Variants in STRADA observed in about 807,000 individuals in gnomAD.
The protein encoded by STRADA is STE20 related adaptor alpha, also known as STE20-related kinase adapter protein alpha.
Under a neutral mutation model 55.0 loss-of-function variants are expected in STRADA, and 26 were observed. That is an observed-to-expected ratio of 0.47 (90% confidence interval 0.35 to 0.66). STRADA has a LOEUF of 0.66. STRADA is among the 30% of genes least tolerant of loss of function. The pLI, the probability that STRADA is intolerant of heterozygous loss-of-function variation, is 0.01. For missense variants in STRADA, 443 were observed against 549.7 expected, an observed-to-expected ratio of 0.81 and a Z score of 1.94; for synonymous variants, 197 against 210.9, an observed-to-expected ratio of 0.93 and a Z score of 0.57.
chr17:63,707,767 G>A (rs2036205891), intron 8 of STRADA, among the ~76,000 whole-genome samples: 1 of 149,414 alleles, frequency 6.7e-6, no homozygotes, highest in Non-Finnish European at 1.5e-5. Context: ...GTCTTGCTCT[G>A]TCGCACAGAC....
At chr17:63,711,245 G>T (rs1037651955) in intron 6 of STRADA, among the ~76,000 whole-genome samples, 1 of 152,214 alleles carries the variant, frequency 6.6e-6, no homozygotes, top group Admixed American at 6.5e-5. Context: ...GTGTTGCCCA[G>T]GCTGGTCTCA....
intron 1 of STRADA, among the ~76,000 whole-genome samples, chr17:63,737,171 C>A (rs912854078): frequency 1.4e-5 from 2 of 139,034 alleles, no homozygotes; most frequent in East Asian, 4.2e-4. Context: ...ATCGCTTGAA[C>A]CTGGGAGGCG....
chr17:63,710,154 C>G (rs1024521350), intron 8 of STRADA, among the ~76,000 whole-genome samples: 3 of 151,586 alleles, frequency 2.0e-5, no homozygotes, highest in Non-Finnish European at 4.4e-5. Context: ...CCTGCCTCAG[C>G]TTGTAGTCCC....
In STRADA at chr17:63,740,151, C is replaced by CATACATATATAT. The variant is rs1340895689; in HGVS notation, c.-45+1589_-45+1590insATATATATGTAT. On this transcript the variant is annotated intron_variant, in intron 1 of 12. Transcript: ENST00000336174. Reference sequence around the variant, plus strand: ...ATACACATACATATATATATATACACACACACACACACACACACACACACA... The same window carrying CATACATATATAT: ...ATACACATACATATATATATATACACATACATATATATACACACACACACACACACACACACA... Among the ~76,000 whole-genome samples, 555 of 79,650 alleles carry CATACATATATAT rather than the reference C, an allele frequency of 7.0e-3. 33 individuals carry two copies. The highest frequency in any genetic ancestry group is 0.03 in the Admixed American group (228 of 7,694). The allele number at this position is 79,650 out of a possible 152,430, so 52.3% of individuals were successfully genotyped here. A position where few individuals can be genotyped will look rare whatever the true frequency, so the allele number is the denominator to read the frequency against.
At position 63,724,904 on chromosome 17, in the gene STRADA, G is replaced by A. The variant is rs111273631; in HGVS notation, c.95-1578C>T. On this transcript the variant is annotated intron_variant, in intron 3 of 12. Coordinates refer to ENST00000336174, the MANE Select transcript of STRADA (RefSeq NM_001003787.4). The stretch of plus-strand genomic sequence containing the variant: ...ATCTAAAACATAATACTTTGACAAA[G>A]TTCACAGATATCACTAGTCCAGAAA... Among the ~76,000 whole-genome samples, 1,036 of 152,150 alleles carry A rather than the reference G, an allele frequency of 6.8e-3. 10 individuals carry two copies. Among genetic ancestry groups the A allele is most frequent in the African/African-American group, 0.023 (952 of 41,496 alleles).
At chr17:63,704,623 G>C (rs77344145) in intron 10 of STRADA, 41 bp from the exon 11 acceptor site, 503 of 1,121,922 alleles carry the variant, frequency 4.5e-4, no homozygotes, top group East Asian at 1.8e-3. Flanking sequence ...TAGCGGGTGG[G>C]GGGGGGGGGT....
intron 1 of STRADA, chr17:63,737,520 T>G (rs2038540114): frequency 6.6e-6 from 1 of 151,692 alleles, no homozygotes; most frequent in Admixed American, 6.6e-5. Context: ...AAAGTAAAGT[T>G]TCACCTGACA....
chr17:63,721,713 CAA>C (rs1208174884), intron 4 of STRADA, among the ~76,000 whole-genome samples: 19 of 97,674 alleles, frequency 1.9e-4, no homozygotes, highest in Non-Finnish European at 1.5e-4. Flanking sequence ...GATTCGGTCT[CAA>C]AAAAAAAAAA....
At chr17:63,713,315 A>G (rs2036631201) in intron 6 of STRADA, 91 bp downstream of exon 6, 2 of 1,529,410 alleles carry the variant, frequency 1.3e-6, no homozygotes, top group Non-Finnish European at 8.8e-7. Context: ...CCGAACGTTT[A>G]GTCTCCCTTC....
intron 6 of STRADA, among the ~76,000 whole-genome samples, chr17:63,711,827 C>T (rs1461313776): frequency 2.0e-5 from 3 of 151,916 alleles, no homozygotes; most frequent in East Asian, 1.9e-4. Flanking sequence ...CCCAGCTACT[C>T]GGGAAGCTTA....
At chr17:63,724,414 A>AT (rs1444542695) in intron 3 of STRADA, among the ~76,000 whole-genome samples, 2 of 148,968 alleles carry the variant, frequency 1.3e-5, no homozygotes, top group South Asian at 2.1e-4. Context: ...AAATGCTGGG[A>AT]TTACAGGTGT....
chr17:63,706,402 C>T (rs2036092060), intron 10 of STRADA: 1 of 492,570 alleles, frequency 2.0e-6, no homozygotes, highest in Non-Finnish European at 3.6e-6. Context: ...CCTCCATTTG[C>T]ACCCCTGCTC....
chr17:63,714,117 GA>G lies in STRADA; in HGVS notation c.124-10del. On this transcript the variant is annotated splice_polypyrimidine_tract_variant and intron_variant, in intron 4 of 12. Transcript: ENST00000336174. Reference sequence around the variant, plus strand: ...GAGCTCGCATCATTGGTCTAAAAAAGAAAAAGAAAAATAGGTTAGTAGAGAA... The same window carrying G: ...GAGCTCGCATCATTGGTCTAAAAAAGAAAAGAAAAATAGGTTAGTAGAGAA... The G allele has an allele frequency of 6.5e-7, 1 of 1,541,754 alleles. No homozygotes were observed. The highest frequency in any genetic ancestry group is 8.8e-7 in the Non-Finnish European group (1 of 1,132,110).
chr17:63,732,828 T>C (rs1226195468), intron 1 of STRADA, among the ~76,000 whole-genome samples: 1 of 152,080 alleles, frequency 6.6e-6, no homozygotes, highest in Non-Finnish European at 1.5e-5. Flanking sequence ...GTGATTCTCC[T>C]ACCTTGGCCT....
chr17:63,708,685 C>T (rs959490617), intron 8 of STRADA, among the ~76,000 whole-genome samples: 30 of 152,140 alleles, frequency 2.0e-4, no homozygotes, highest in African/African-American at 7.2e-4. Flanking sequence ...CAGGCACCTG[C>T]CACCATGCCC....
chr17:63,705,369 A>C (rs563342943), intron 10 of STRADA: 44 of 181,202 alleles, frequency 2.4e-4, no homozygotes, highest in African/African-American at 9.3e-4. Flanking sequence ...CGCTGCAGCA[A>C]ATTCTAGTGG....
Position 63,706,753 on chromosome 17 carries a change from A to G in STRADA, c.754-14T>C, listed in dbSNP as rs747988267. On this transcript the variant is annotated splice_polypyrimidine_tract_variant and intron_variant, in intron 9 of 12. Coordinates refer to ENST00000336174, the MANE Select transcript of STRADA (RefSeq NM_001003787.4). Reference sequence around the variant, plus strand: ...ACCCTGGAGATTCTAAGCCAGAAAAAAAAGGCCACAGATTACCCCATTTGG... The same window carrying G: ...ACCCTGGAGATTCTAAGCCAGAAAAGAAAGGCCACAGATTACCCCATTTGG... 3 of 1,603,236 alleles carry G rather than the reference A, an allele frequency of 1.9e-6. No homozygotes were observed. The highest frequency in any genetic ancestry group is 1.7e-5 in the Admixed American group (1 of 59,562).
At chr17:63,705,257 A>C (rs1355047704) in intron 10 of STRADA, 1 of 366,320 alleles carries the variant, frequency 2.7e-6, no homozygotes, top group East Asian at 5.1e-5. Flanking sequence ...AATGAGGTTT[A>C]AAATTCAGTC....
intron 8 of STRADA, among the ~76,000 whole-genome samples, chr17:63,708,578 A>G (rs1202195601): frequency 6.6e-6 from 1 of 152,204 alleles, no homozygotes; most frequent in African/African-American, 2.4e-5. Context: ...TCTGTCATCC[A>G]GGCTGGAGTG....
Sources: allele counts gnomAD v4.1 joint callset (sites outside exome capture counted in the v4.1 genomes callset), GRCh38; gene constraint gnomAD v4.1.1; transcripts MANE v1.5; gene names NCBI Gene and HGNC (gene_info 2026-07-23, HGNC 2026-07-21).